LMCD1: variants seen among roughly 807,000 people sequenced by gnomAD.
LMCD1 encodes LIM and cysteine-rich domains protein 1.
Under a neutral mutation model 42.7 loss-of-function variants are expected in LMCD1, and 32 were observed. The ratio of observed to expected loss-of-function variants is 0.75; its 90% CI spans 0.57 to 1.01. LMCD1 has a LOEUF of 1.01. Ranked by LOEUF, LMCD1 falls within the 50% of genes least tolerant of loss-of-function variation. The probability of loss-of-function intolerance (pLI) is 0.00; values close to 1 mark genes in which losing one functional copy is unlikely to be tolerated. For synonymous variants in LMCD1, 178 were observed against 184.9 expected (o/e 0.96, Z 0.30); for missense variants, 458 against 483.1 (o/e 0.95, Z 0.49).
At chr3:8,546,925 A>G (rs1392799994) in intron 3 of LMCD1, among the ~76,000 whole-genome samples, 1 of 152,222 alleles carries the variant, frequency 6.6e-6, no homozygotes, top group Non-Finnish European at 1.5e-5. Context: ...GATACTAAAG[A>G]AGAGGTTTAA....
In LMCD1 at chr3:8,548,838, G is replaced by T. The variant is rs756599844; in HGVS notation, c.658G>T (p.Gly220Trp). The T allele has an allele frequency of 6.3e-6, 10 of 1,594,200 alleles. No individual in the cohort carries two copies. Among genetic ancestry groups the T allele is most frequent in the Middle Eastern group, 1.7e-4 (1 of 5,980 alleles). Residue 220 changes from glycine (G) to tryptophan (W), a missense_variant, in exon 4 of 6, where the codon GGG (glycine) becomes TGG (tryptophan). Transcript: ENST00000157600. ...EEGKQQEKPEGAETTAATTNG... is the reference protein window; with the variant it reads ...EEGKQQEKPEWAETTAATTNG... ...GGGGAAGCAGCAGGAAAAGCCAGAG[G>T]GGGCAGAGACCACTGCTGCTACCAC...
chr3:8,559,224 T>G (rs1307116706), intron 4 of LMCD1, among the ~76,000 whole-genome samples: 2 of 152,164 alleles, frequency 1.3e-5, no homozygotes, highest in African/African-American at 4.8e-5. Flanking sequence ...TACATGCCCT[T>G]GGTATCATGG....
At chr3:8,523,671 G>A (rs996481906) in intron 1 of LMCD1, among the ~76,000 whole-genome samples, 1 of 152,264 alleles carries the variant, frequency 6.6e-6, no homozygotes, top group Non-Finnish European at 1.5e-5. Flanking sequence ...TCTGCTTTAA[G>A]ATTGGAGGGA....
chr3:8,562,904 G>A (rs1695064927), intron 4 of LMCD1, among the ~76,000 whole-genome samples: 2 of 152,166 alleles, frequency 1.3e-5, no homozygotes, highest in Admixed American at 6.5e-5. Context: ...ACATGGATGA[G>A]CCCCTGAAAG....
At chr3:8,532,494 A>G (rs530818014) in intron 1 of LMCD1, among the ~76,000 whole-genome samples, 19 of 151,884 alleles carry the variant, frequency 1.3e-4, no homozygotes, top group African/African-American at 4.6e-4. Flanking sequence ...CTGGGAAAGA[A>G]CCCCCATTGC....
rs1442069747 is a variant in LMCD1 at position 8,572,508 on chromosome 3, C to T, written c.*4910C>T. The T allele has an allele frequency of 6.6e-6, 1 of 152,184 alleles. No individual in the cohort carries two copies. The highest frequency in any genetic ancestry group is 1.5e-5 in the Non-Finnish European group (1 of 68,034). The allele number at this position is 152,184 out of a possible 1,614,324, so 9.4% of individuals were successfully genotyped here. ...TATTCATTGACGTTTACTGATCGAACTAATTATTATTATGATAGTTGCCAA... is the reference window on the plus strand; with the variant it reads ...TATTCATTGACGTTTACTGATCGAATTAATTATTATTATGATAGTTGCCAA... On this transcript the variant is annotated 3_prime_UTR_variant, in exon 6 of 6. Coordinates refer to ENST00000157600, the MANE Select transcript of LMCD1 (RefSeq NM_014583.4).
intron 1 of LMCD1, among the ~76,000 whole-genome samples, chr3:8,530,402 C>G (rs9875641): frequency 0.44 from 67,630 of 152,106 alleles, 15,697 homozygotes; most frequent in Non-Finnish European, 0.52. Flanking sequence ...GTGCTCTGCT[C>G]TGCTCTGCTG....
At chr3:8,519,622 A>G (rs1053959816) in intron 1 of LMCD1, among the ~76,000 whole-genome samples, 2 of 152,172 alleles carry the variant, frequency 1.3e-5, no homozygotes, top group Non-Finnish European at 1.5e-5. Context: ...TCTTACATGC[A>G]GAATCCAAGT....
chr3:8,512,789 G>T (rs774948227), intron 1 of LMCD1, among the ~76,000 whole-genome samples: 1 of 152,210 alleles, frequency 6.6e-6, no homozygotes, highest in Non-Finnish European at 1.5e-5. Flanking sequence ...TAAGAGGTAG[G>T]AAGAGGCTTA....
intron 4 of LMCD1, among the ~76,000 whole-genome samples, chr3:8,552,497 C>T (rs978631793): frequency 6.6e-6 from 1 of 152,284 alleles, no homozygotes; most frequent in African/African-American, 2.4e-5. Flanking sequence ...AAGGCTGGGT[C>T]CCCTTCCAGA....
At chr3:8,517,619 A>G (rs1298974372) in intron 1 of LMCD1, among the ~76,000 whole-genome samples, 1 of 152,184 alleles carries the variant, frequency 6.6e-6, no homozygotes, top group Admixed American at 6.5e-5. Context: ...CAGTTCTTTC[A>G]TTCTTCTGAT....
At chr3:8,555,526 C>G (rs1694919114) in intron 4 of LMCD1, among the ~76,000 whole-genome samples, 1 of 152,182 alleles carries the variant, frequency 6.6e-6, no homozygotes, top group African/African-American at 2.4e-5. Flanking sequence ...TGGGCAGGAG[C>G]CTGGGGGCAG....
At position 8,543,460 on chromosome 3, in the gene LMCD1, TAGAC is replaced by T. The variant is rs1300354766; in HGVS notation, c.388-5096_388-5093del. On this transcript the variant is annotated intron_variant, in intron 3 of 5. Transcript: ENST00000157600. ...ATAGATAGACAGACAGACAGAGAGATAGACAGACAGACAGATAGACAGACAGACA... is the reference window on the plus strand; with the variant it reads ...ATAGATAGACAGACAGACAGAGAGATAGACAGACAGATAGACAGACAGACA... Among the ~76,000 whole-genome samples, 40 of 149,532 alleles carry T rather than the reference TAGAC, an allele frequency of 2.7e-4. 1 individual carries two copies. The highest frequency in any genetic ancestry group is 6.0e-4 in the Admixed American group (9 of 15,032).
chr3:8,545,458 A>G (rs2125030052), intron 3 of LMCD1, among the ~76,000 whole-genome samples: 1 of 152,238 alleles, frequency 6.6e-6, no homozygotes, highest in East Asian at 1.9e-4. Context: ...GAATTCTTAC[A>G]TTTTGCAAAA....
intron 3 of LMCD1, among the ~76,000 whole-genome samples, chr3:8,540,966 C>T (rs1694615005): frequency 6.6e-6 from 1 of 152,122 alleles, no homozygotes; most frequent in South Asian, 2.1e-4. Context: ...CCCTCAGGAT[C>T]CTTCTTCACA....
chr3:8,513,701 A>C (rs1694044362), intron 1 of LMCD1, among the ~76,000 whole-genome samples: 1 of 152,214 alleles, frequency 6.6e-6, no homozygotes, highest in Non-Finnish European at 1.5e-5. Context: ...AACTTTTAAA[A>C]ATTATTTGTA....
chr3:8,536,446 T>G (rs1694509607), intron 2 of LMCD1, among the ~76,000 whole-genome samples: 2 of 152,204 alleles, frequency 1.3e-5, no homozygotes, highest in Admixed American at 1.3e-4. Flanking sequence ...ATGTGTTTCC[T>G]TCTTCTGACA....
In LMCD1 at chr3:8,549,567, C is replaced by G. The variant is rs1373178847; in HGVS notation, c.723+664C>G. On this transcript the variant is annotated intron_variant, in intron 4 of 5. Coordinates refer to ENST00000157600, the MANE Select transcript of LMCD1 (RefSeq NM_014583.4). Reference sequence around the variant, plus strand: ...CCATGAACTTAGTTAGGACTTTATTCCAAAGGTCATAGACAGGCTTTTGGT... The same window carrying G: ...CCATGAACTTAGTTAGGACTTTATTGCAAAGGTCATAGACAGGCTTTTGGT... 3.3e-5 allele frequency among the ~76,000 whole-genome samples: 5 copies of G among 152,162 alleles called. No homozygotes were observed. In the East Asian group the frequency reaches 9.6e-4, roughly 29 times the overall value.
intron 3 of LMCD1, among the ~76,000 whole-genome samples, chr3:8,543,298 C>T (rs1461544757): frequency 6.6e-6 from 1 of 152,184 alleles, no homozygotes; most frequent in African/African-American, 2.4e-5. Context: ...ATCCTCTTTC[C>T]CCACTCACTG....
Sources: gnomAD v4.1 joint callset for allele counts (sites outside exome capture counted in the v4.1 genomes callset) on GRCh38, gnomAD v4.1.1 for gene constraint, MANE v1.5 for transcripts, NCBI Gene and HGNC (gene_info 2026-07-23, HGNC 2026-07-21) for gene names.